Variants in GLCCI1 observed in about 807,000 individuals in gnomAD.
GLCCI1 encodes the protein glucocorticoid-induced transcript 1 protein.
GLCCI1 carries 24 observed loss-of-function variants against 52.2 expected under a neutral mutation model. The observed-to-expected ratio is 0.46, with a 90% confidence interval of 0.33 to 0.65. GLCCI1 has a LOEUF of 0.65. Ranked by LOEUF, GLCCI1 falls within the 30% of genes least tolerant of loss-of-function variation. GLCCI1 has a pLI of 0.02. For synonymous variants in GLCCI1, 310 were observed against 276.5 expected (o/e 1.12, Z -1.20); for missense variants, 704 against 701.5 (o/e 1.00, Z -0.04).
intron 3 of GLCCI1, among the ~76,000 whole-genome samples, chr7:8,027,059 C>A (rs1781638087): frequency 6.6e-6 from 1 of 152,198 alleles, no homozygotes; most frequent in South Asian, 2.1e-4. Flanking sequence ...CAATAAATAC[C>A]TAACTCTTCA....
intron 1 of GLCCI1, among the ~76,000 whole-genome samples, chr7:8,003,480 TA>T (rs1781085887): frequency 6.6e-6 from 1 of 152,188 alleles, no homozygotes; most frequent in East Asian, 1.9e-4. Context: ...TATGTCATAC[TA>T]AATAATATAG....
intron 6 of GLCCI1, among the ~76,000 whole-genome samples, chr7:8,082,469 A>G (rs934292214): frequency 5.3e-5 from 8 of 152,146 alleles, no homozygotes; most frequent in African/African-American, 1.9e-4. Flanking sequence ...ACCCCTATTT[A>G]CAGTCTCTCT....
At chr7:7,984,566 C>T (rs889089210) in intron 1 of GLCCI1, among the ~76,000 whole-genome samples, 3 of 152,086 alleles carry the variant, frequency 2.0e-5, no homozygotes, top group Non-Finnish European at 2.9e-5. Context: ...TGGTTATTTG[C>T]TCTACGCAAT....
At chr7:8,005,682 A>T (rs143871591) in intron 2 of GLCCI1, among the ~76,000 whole-genome samples, 131 of 152,318 alleles carry the variant, frequency 8.6e-4, no homozygotes, top group Middle Eastern at 6.8e-3. Flanking sequence ...TAGTGCTGTG[A>T]CACTGCACTA....
chr7:8,065,456 T>TGA (rs61677825), intron 5 of GLCCI1, among the ~76,000 whole-genome samples: 5,549 of 152,252 alleles, frequency 0.036, 142 homozygotes, highest in Non-Finnish European at 0.057. Context: ...ACAGGAGTGG[T>TGA]GAGAGGGCAT....
chr7:8,004,481 A>G (rs1398709710), intron 2 of GLCCI1, among the ~76,000 whole-genome samples: 4 of 152,218 alleles, frequency 2.6e-5, no homozygotes, highest in Admixed American at 1.3e-4. Context: ...AACCAAGACT[A>G]AAAGCCTTCA....
At chr7:8,003,611 C>T (rs182573263) in intron 1 of GLCCI1, among the ~76,000 whole-genome samples, 2 of 152,008 alleles carry the variant, frequency 1.3e-5, no homozygotes, top group African/African-American at 2.4e-5. Context: ...TCAGGTGAGA[C>T]ATGAATGGGA....
chr7:8,082,893 G>A (rs752533645), intron 6 of GLCCI1, among the ~76,000 whole-genome samples: 1 of 152,204 alleles, frequency 6.6e-6, no homozygotes, highest in African/African-American at 2.4e-5. Context: ...CTGAAAGAAT[G>A]TGATAGGCCT....
At chr7:8,085,100 C>T in intron 7 of GLCCI1, 83 bp downstream of exon 7, 2 of 1,463,474 alleles carry the variant, frequency 1.4e-6, no homozygotes, top group Non-Finnish European at 1.9e-6. Context: ...TATGAATCAA[C>T]TACTCTATCC....
chr7:8,023,588 C>CTTTTTTTATTTTTTTTTTTTTTTT (rs1781544497), intron 3 of GLCCI1, among the ~76,000 whole-genome samples: 1 of 41,984 alleles, frequency 2.4e-5, no homozygotes, highest in Non-Finnish European at 4.3e-5. Context: ...CTCTGTTATT[C>CTTTTTTTATTTTTTTTTTTTTTTT]TTTTTTTTTT....
chr7:8,033,545 C>A lies in GLCCI1; in HGVS notation c.696+10976C>A, dbSNP rs182185205. ...TATATTATTATAACTAATAAGTTTA[C>A]CAAGGTTACATGATATGAGATCAAC... On this transcript the variant is annotated intron_variant, in intron 3 of 7. Coordinates refer to ENST00000223145, the MANE Select transcript of GLCCI1 (RefSeq NM_138426.4). Among the ~76,000 whole-genome samples the A allele has an allele frequency of 3.3e-4, 50 of 151,934 alleles. No individual in the cohort carries two copies. The East Asian group carries it at 7.9e-3, about 24-fold the overall frequency.
chr7:8,049,800 A>G (rs972510681), intron 3 of GLCCI1, among the ~76,000 whole-genome samples: 3 of 152,194 alleles, frequency 2.0e-5, no homozygotes, highest in Non-Finnish European at 4.4e-5. Flanking sequence ...TCGCTAGGTA[A>G]TAGAGGTTAC....
chr7:8,012,559 C>G (rs1226036105), intron 2 of GLCCI1, among the ~76,000 whole-genome samples: 1 of 150,298 alleles, frequency 6.7e-6, no homozygotes, highest in Non-Finnish European at 1.5e-5. Context: ...ATTCTCCTGC[C>G]TCAGCCTCCC....
Position 8,088,731 on chromosome 7 carries a change from G to A in GLCCI1, c.*2193G>A, listed in dbSNP as rs1312196617. The A allele has an allele frequency of 1.3e-5, 2 of 152,584 alleles. No homozygotes were observed. Among genetic ancestry groups the A allele is most frequent in the Non-Finnish European group, 2.9e-5 (2 of 68,022 alleles). The allele number at this position is 152,584 out of a possible 1,614,324, so 9.5% of individuals were successfully genotyped here. A position where few individuals can be genotyped will look rare whatever the true frequency, so the allele number is the denominator to read the frequency against. ...AAATCTCATGTACGATATTTATAGTGATGTGCTTTTATTTTCTCATGAGAT... is the reference window on the plus strand; with the variant it reads ...AAATCTCATGTACGATATTTATAGTAATGTGCTTTTATTTTCTCATGAGAT... On this transcript the variant is annotated 3_prime_UTR_variant, in exon 8 of 8. Transcript: ENST00000223145.
At chr7:8,075,218 A>T (rs1470946298) in intron 6 of GLCCI1, among the ~76,000 whole-genome samples, 1 of 152,224 alleles carries the variant, frequency 6.6e-6, no homozygotes, top group Non-Finnish European at 1.5e-5. Context: ...TCTGTCAAGA[A>T]AGTTTCAGCT....
At chr7:8,080,840 GGTT>G (rs199848241) in intron 6 of GLCCI1, among the ~76,000 whole-genome samples, 4,649 of 146,892 alleles carry the variant, frequency 0.032, 86 homozygotes, top group Non-Finnish European at 0.049. Flanking sequence ...TTGGTTTTGG[GGTT>G]TTTTTTTTTT....
chr7:8,030,669 G>C (rs772674897), intron 3 of GLCCI1, among the ~76,000 whole-genome samples: 4 of 152,016 alleles, frequency 2.6e-5, no homozygotes, highest in Non-Finnish European at 5.9e-5. Flanking sequence ...TATATAAGGA[G>C]CTCAAAGAAC....
chr7:7,980,834 CT>C, intron 1 of GLCCI1: 1 of 676,312 alleles, frequency 1.5e-6, no homozygotes. Context: ...TTGACAAGGA[CT>C]TTGTACCATA....
At chr7:7,997,550 A>G (rs1231228396) in intron 1 of GLCCI1, among the ~76,000 whole-genome samples, 1 of 152,204 alleles carries the variant, frequency 6.6e-6, no homozygotes, top group Non-Finnish European at 1.5e-5. Flanking sequence ...TTTTGATTTC[A>G]ATGAAGATTG....
Sources: gnomAD v4.1 joint callset for allele counts (sites outside exome capture counted in the v4.1 genomes callset) on GRCh38, gnomAD v4.1.1 for gene constraint, MANE v1.5 for transcripts, NCBI Gene and HGNC (gene_info 2026-07-23, HGNC 2026-07-21) for gene names.